SOHLH2: variants seen among roughly 807,000 people sequenced by gnomAD.
The protein encoded by SOHLH2 is spermatogenesis and oogenesis specific basic helix-loop-helix 2.
SOHLH2 carries 22 observed loss-of-function variants against 50.4 expected under a neutral mutation model. The ratio of observed to expected loss-of-function variants is 0.44; its 90% CI spans 0.31 to 0.62. The LOEUF (loss-of-function observed/expected upper bound fraction) is 0.62. SOHLH2 is among the 20% of genes least tolerant of loss of function. The pLI is 0.08. For missense variants in SOHLH2, 412 were observed against 504.4 expected, an observed-to-expected ratio of 0.82 and a Z score of 1.76; for synonymous variants, 185 against 187.3, an observed-to-expected ratio of 0.99 and a Z score of 0.10.
rs1418785230 is a variant in SOHLH2 at position 36,212,776 on chromosome 13, C to T, written c.48+1703G>A. On this transcript the variant is annotated intron_variant, in intron 1 of 10. Coordinates refer to ENST00000379881, the MANE Select transcript of SOHLH2 (RefSeq NM_017826.3). ...CCCTATTAACACCTTGGTACATACC[C>T]TTTAAGTGTGGGTGGTTTTAATAAC... Among the ~76,000 whole-genome samples the T allele has an allele frequency of 5.9e-5, 9 of 152,316 alleles. No homozygotes were observed. The East Asian group carries it at 1.2e-3, about 20-fold the overall frequency.
Position 36,189,995 on chromosome 13 carries a change from T to C in SOHLH2, c.592A>G (p.Lys198Glu), listed in dbSNP as rs758167817. 7 of 1,608,750 alleles carry C rather than the reference T, an allele frequency of 4.4e-6. No individual in the cohort carries two copies. In the South Asian group the frequency reaches 6.7e-5, roughly 15 times the overall value. The change falls in exon 6 of 11, where the codon AAA (lysine) becomes GAA (glutamate). Residue 198 changes from lysine to glutamate, a missense_variant. Physicochemically the swap from Lys to Glu is moderately conservative, Grantham distance 56 (BLOSUM62 1). Coordinates refer to ENST00000379881, the MANE Select transcript of SOHLH2 (RefSeq NM_017826.3). ...TGAAGAAGAGAGATCTTTTTGTTTT[T>C]CTCGAACTCTGACAACGAAGCATTT... ...ELNASLSEFE[K>E]NKKISLLHSS...
chr13:36,168,883 T>C lies in SOHLH2; in HGVS notation c.*151A>G. On this transcript the variant is annotated 3_prime_UTR_variant, in exon 11 of 11. Transcript: ENST00000379881. ...CTGGTCTTTCTATCTGCAGAAGCTT[T>C]GAGTGCATTTATCAGAAGCCAAACC... 1.5e-5 allele frequency: 20 copies of C among 1,316,610 alleles called. No individual in the cohort carries two copies. Among genetic ancestry groups the C allele is most frequent in the Non-Finnish European group, 2.0e-5 (20 of 995,352 alleles). The allele number at this position is 1,316,610 out of a possible 1,614,324, so 81.6% of individuals were successfully genotyped here.
intron 4 of SOHLH2, among the ~76,000 whole-genome samples, 185 bp downstream of exon 4, chr13:36,193,436 G>T (rs755749854): frequency 6.6e-6 from 1 of 152,206 alleles, no homozygotes; most frequent in African/African-American, 2.4e-5. Flanking sequence ...TGTGCCTACC[G>T]CAGCACTGTA....
At chr13:36,212,278 A>T (rs1387849954) in intron 1 of SOHLH2, among the ~76,000 whole-genome samples, 2 of 152,170 alleles carry the variant, frequency 1.3e-5, no homozygotes, top group Non-Finnish European at 2.9e-5. Flanking sequence ...CTCTGGAAAG[A>T]ACTGATTTGC....
intron 2 of SOHLH2, among the ~76,000 whole-genome samples, chr13:36,196,126 A>AGATAGATAGAT (rs71084410): frequency 7.4e-6 from 1 of 135,258 alleles, no homozygotes; most frequent in Non-Finnish European, 1.6e-5. Context: ...ATAGATAGAT[A>AGATAGATAGAT]ATTTTTTTTT....
chr13:36,174,224 T>A (rs1887039803), intron 8 of SOHLH2, among the ~76,000 whole-genome samples: 1 of 152,148 alleles, frequency 6.6e-6, no homozygotes, highest in Non-Finnish European at 1.5e-5. Context: ...GAAAGCCCCA[T>A]TTTAAGAACC....
intron 1 of SOHLH2, among the ~76,000 whole-genome samples, chr13:36,203,561 A>G (rs1868559446): frequency 6.6e-6 from 1 of 152,202 alleles, no homozygotes; most frequent in South Asian, 2.1e-4. Flanking sequence ...TCGAATCCAA[A>G]CTAGAAAATC....
intron 6 of SOHLH2, among the ~76,000 whole-genome samples, chr13:36,176,331 T>C (rs930807383): frequency 3.3e-5 from 5 of 152,186 alleles, no homozygotes; most frequent in African/African-American, 1.2e-4. Context: ...ATTGAAACTA[T>C]TGAAATGCTA....
intron 6 of SOHLH2, 108 bp downstream of exon 6, chr13:36,189,838 G>C: frequency 1.8e-6 from 2 of 1,104,816 alleles, no homozygotes; most frequent in Non-Finnish European, 2.5e-6. Context: ...TGTTTGCTAA[G>C]TTTACTAGTT....
At chr13:36,205,990 T>C (rs941832153) in intron 1 of SOHLH2, among the ~76,000 whole-genome samples, 1 of 151,932 alleles carries the variant, frequency 6.6e-6, no homozygotes, top group Non-Finnish European at 1.5e-5. Flanking sequence ...GTTTTAATTT[T>C]AAAATATATA....
At chr13:36,182,938 T>C (rs1198452430) in intron 6 of SOHLH2, 1 of 159,562 alleles carries the variant, frequency 6.3e-6, no homozygotes, top group Admixed American at 6.1e-5. Context: ...TGCCCAATGT[T>C]GGAGGTGGAA....
intron 1 of SOHLH2, among the ~76,000 whole-genome samples, chr13:36,213,903 TTAAAAA>T (rs1388364578): frequency 5.9e-5 from 9 of 152,104 alleles, no homozygotes; most frequent in Non-Finnish European, 1.0e-4. Flanking sequence ...CTTTCTTATA[TTAAAAA>T]TAAAAATCAT....
At chr13:36,177,631 A>G (rs141627891) in intron 6 of SOHLH2, among the ~76,000 whole-genome samples, 1 of 152,206 alleles carries the variant, frequency 6.6e-6, no homozygotes, top group East Asian at 1.9e-4. Context: ...AGTAGTATCC[A>G]TTATGTTTTA....
At chr13:36,183,394 A>G (rs922071958) in intron 6 of SOHLH2, among the ~76,000 whole-genome samples, 6 of 152,248 alleles carry the variant, frequency 3.9e-5, no homozygotes, top group Non-Finnish European at 7.3e-5. Context: ...AATTCAAGGT[A>G]GATTATGATA....
At chr13:36,210,365 A>G (rs1869042103) in intron 1 of SOHLH2, among the ~76,000 whole-genome samples, 1 of 152,074 alleles carries the variant, frequency 6.6e-6, no homozygotes, top group Non-Finnish European at 1.5e-5. Flanking sequence ...GTGTCTTTTA[A>G]GCTGTGGATT....
rs35207535 is a variant in SOHLH2 at position 36,196,097 on chromosome 13, A to AAGATAGATAGATAGATAGAT, written c.264-2250_264-2231dup. 4.1e-3 allele frequency among the ~76,000 whole-genome samples: 597 copies of AAGATAGATAGATAGATAGAT among 145,696 alleles called. 2 individuals are homozygous for AAGATAGATAGATAGATAGAT. The highest frequency in any genetic ancestry group is 9.2e-3 in the African/African-American group (355 of 38,648). Reference sequence around the variant, plus strand: ...AATATATACATTTTAGACAGACAGAAAGATAGATAGATAGATAGATAGATA... The same window carrying AAGATAGATAGATAGATAGAT: ...AATATATACATTTTAGACAGACAGAAAGATAGATAGATAGATAGATAGATAGATAGATAGATAGATAGATA... On this transcript the variant is annotated intron_variant, in intron 2 of 10. Coordinates refer to ENST00000379881, the MANE Select transcript of SOHLH2 (RefSeq NM_017826.3).
intron 1 of SOHLH2, among the ~76,000 whole-genome samples, chr13:36,207,952 G>A (rs1457751863): frequency 6.6e-6 from 1 of 152,176 alleles, no homozygotes; most frequent in Non-Finnish European, 1.5e-5. Flanking sequence ...GATGGCGTCT[G>A]CAAGGTTTCT....
chr13:36,171,831 G>C (rs893840780), intron 9 of SOHLH2, among the ~76,000 whole-genome samples: 17 of 152,162 alleles, frequency 1.1e-4, no homozygotes, highest in Admixed American at 3.9e-4. Context: ...GGTGATGAGT[G>C]ATGCATAACA....
chr13:36,203,424 C>A (rs1868547836), intron 1 of SOHLH2, among the ~76,000 whole-genome samples: 1 of 152,146 alleles, frequency 6.6e-6, no homozygotes, highest in Non-Finnish European at 1.5e-5. Context: ...TCATCTTGAT[C>A]CAGTCTTCCT....
Sources: allele counts gnomAD v4.1 joint callset (sites outside exome capture counted in the v4.1 genomes callset), GRCh38; gene constraint gnomAD v4.1.1; transcripts MANE v1.5; gene names NCBI Gene and HGNC (gene_info 2026-07-23, HGNC 2026-07-21).